Variants in KAZN observed in about 807,000 individuals in gnomAD.
The protein encoded by KAZN is kazrin, periplakin interacting protein, also known as kazrin.
Under a neutral mutation model 87.4 loss-of-function variants are expected in KAZN, and 40 were observed. The ratio of observed to expected loss-of-function variants is 0.46; its 90% CI spans 0.36 to 0.60. The LOEUF is 0.60. Among genes scored for constraint, KAZN ranks in the 20% least tolerant of loss-of-function variants. The pLI is 0.00. For synonymous variants in KAZN, 466 were observed against 458.3 expected, an observed-to-expected ratio of 1.02 and a Z score of -0.22; for missense variants, 898 against 1,073.9, an observed-to-expected ratio of 0.84 and a Z score of 2.29.
chr1:14,236,730 C>A (rs1248068904), intron 2 of KAZN, among the ~76,000 whole-genome samples: 5 of 152,016 alleles, frequency 3.3e-5, no homozygotes, highest in Non-Finnish European at 2.9e-5. Context: ...CCAGCCTGGG[C>A]AACATGGAAA....
intron 1 of KAZN, among the ~76,000 whole-genome samples, chr1:14,903,535 C>G (rs1557604740): frequency 6.6e-6 from 1 of 152,220 alleles, no homozygotes; most frequent in Non-Finnish European, 1.5e-5. Flanking sequence ...TGGACCCCTC[C>G]TCCTTAGTAC....
rs2100389622 is a variant in KAZN at position 14,735,069 on chromosome 1, T to C, written c.226+135846T>C. Among the ~76,000 whole-genome samples the C allele has an allele frequency of 6.6e-6, 1 of 151,990 alleles. No homozygotes were observed. The highest frequency in any genetic ancestry group is 6.5e-5 in the Admixed American group (1 of 15,296). On this transcript the variant is annotated intron_variant, in intron 1 of 14. Coordinates refer to ENST00000376030, the MANE Select transcript of KAZN (RefSeq NM_201628.3). This position sits in a 1 kb window ranked among gnomAD's most constrained non-coding sequence, Gnocchi z 4.3. ...TAAATGGTCATGCTGGTTTTTTTTG[T>C]TTTGTTTTGAGACGGAGTCTCGCTC...
chr1:14,460,355 C>G (rs939723022), intron 2 of KAZN, among the ~76,000 whole-genome samples: 66 of 152,324 alleles, frequency 4.3e-4, no homozygotes, highest in African/African-American at 1.5e-3. Flanking sequence ...GTGTGCTAAG[C>G]CCAGCTGGCA....
In KAZN at chr1:14,820,895, G is replaced by A. The variant is rs1282389630; in HGVS notation, c.227-139789G>A. On this transcript the variant is annotated intron_variant, in intron 1 of 14. Coordinates refer to ENST00000376030, the MANE Select transcript of KAZN (RefSeq NM_201628.3). This position sits in a 1 kb window ranked among gnomAD's most constrained non-coding sequence, Gnocchi z 4.1. ...GAGCCGAGGGGCAGGGTGAGCAAAA[G>A]GTGAATAAGGGCTCAGACGACATGA... 3.9e-5 allele frequency among the ~76,000 whole-genome samples: 6 copies of A among 152,248 alleles called. No homozygotes were observed. In the South Asian group the frequency reaches 1.2e-3, roughly 32 times the overall value.
At chr1:14,733,380 C>A (rs1356953970) in intron 1 of KAZN, among the ~76,000 whole-genome samples, 1 of 152,180 alleles carries the variant, frequency 6.6e-6, no homozygotes, top group African/African-American at 2.4e-5. Context: ...CAGAGAAGTT[C>A]TTTCCCGTTG....
chr1:14,334,364 CAAAAAAAAAAAAAAAAAA>C (rs34525897), intron 2 of KAZN, among the ~76,000 whole-genome samples: 1 of 61,380 alleles, frequency 1.6e-5, no homozygotes, highest in Non-Finnish European at 2.6e-5. Context: ...GATTCCATCT[CAAAAAAAAAAAAAAAAAA>C]AAAAAAAAGG....
chr1:14,158,914 G>T (rs1645651700), intron 1 of KAZN, among the ~76,000 whole-genome samples: 1 of 152,152 alleles, frequency 6.6e-6, no homozygotes, highest in Non-Finnish European at 1.5e-5. Context: ...TGCATTACCA[G>T]AGAGACATTC....
chr1:13,915,100 C>G (rs1639794571), intron 1 of KAZN, among the ~76,000 whole-genome samples: 1 of 152,158 alleles, frequency 6.6e-6, no homozygotes, highest in African/African-American at 2.4e-5. Flanking sequence ...TGTAAATGTA[C>G]ACACATGCAT....
intron 1 of KAZN, among the ~76,000 whole-genome samples, chr1:14,766,436 C>G (rs1215541988): frequency 1.3e-5 from 2 of 151,820 alleles, no homozygotes; most frequent in South Asian, 2.1e-4. Context: ...AAACAGAGCT[C>G]GGTGCCTGGA....
rs761512607 is a variant in KAZN, at chr1:15,088,710, C to T, written c.1223-5470C>T. 3.4e-5 allele frequency among the ~76,000 whole-genome samples: 5 copies of T among 145,082 alleles called. No individual in the cohort carries two copies. In the East Asian group the frequency reaches 5.8e-4, roughly 17 times the overall value. On this transcript the variant is annotated intron_variant, in intron 8 of 14. Transcript: ENST00000376030. ...TAATTAATGGTTTATGACCCCAAGG[C>T]CCCCCTAGACTCCTCCCAAGCCCTT...
chr1:14,899,544 C>T (rs2101240242), intron 1 of KAZN, among the ~76,000 whole-genome samples: 1 of 152,326 alleles, frequency 6.6e-6, no homozygotes, highest in African/African-American at 2.4e-5. Context: ...CTCTGTTAGA[C>T]ATTTTGTCTG....
intron 1 of KAZN, among the ~76,000 whole-genome samples, chr1:13,997,941 A>G (rs768281802): frequency 6.6e-6 from 1 of 152,152 alleles, no homozygotes; most frequent in Non-Finnish European, 1.5e-5. Flanking sequence ...GGTCGAAATG[A>G]AGGAAAAAAT....
At chr1:13,983,299 C>A (rs1379904002) in intron 1 of KAZN, among the ~76,000 whole-genome samples, 1 of 152,238 alleles carries the variant, frequency 6.6e-6, no homozygotes, top group African/African-American at 2.4e-5. Flanking sequence ...AGGTCCCGAG[C>A]CCTGCCCCAC....
At chr1:14,100,376 C>A (rs1450049121) in intron 1 of KAZN, among the ~76,000 whole-genome samples, 1 of 152,154 alleles carries the variant, frequency 6.6e-6, no homozygotes, top group African/African-American at 2.4e-5. Context: ...GCAGTGGTTT[C>A]CAGGTGGACT....
rs1462613535 is a variant in KAZN at position 14,081,259 on chromosome 1, T to C, written c.92-99176T>C. Among the ~76,000 whole-genome samples, 5 of 152,176 alleles carry C rather than the reference T, an allele frequency of 3.3e-5. No individual in the cohort carries two copies. In the East Asian group the frequency reaches 9.6e-4, roughly 29 times the overall value. On this transcript the variant is annotated intron_variant, in intron 1 of 16. Transcript: ENST00000636203. ...GGCCATGTCCAAGCACTCCTGGAGA[T>C]TAATCTTCCACTTGGGGCCCCGTTG... is the stretch of plus-strand genomic sequence containing the variant.
intron 2 of KAZN, among the ~76,000 whole-genome samples, chr1:14,300,259 A>T (rs1200941626): frequency 1.2e-5 from 1 of 80,646 alleles, no homozygotes; most frequent in Non-Finnish European, 3.2e-5. Context: ...GCTATGGAAG[A>T]ATTTATTTAT....
chr1:15,096,431 C>T lies in KAZN; in HGVS notation c.1547+1498C>T, dbSNP rs1640807363. ...CATGGGGGGAGGACGTCCCCACCGT[C>T]CTCTGCCTCCCAGGGGTGCGGCCTG... is the stretch of plus-strand genomic sequence containing the variant. On this transcript the variant is annotated intron_variant, in intron 10 of 14. Transcript: ENST00000376030. The surrounding 1 kb of genome is among the most constrained non-coding windows in gnomAD (Gnocchi z 4.5). 1.3e-5 allele frequency among the ~76,000 whole-genome samples: 2 copies of T among 152,234 alleles called. No homozygotes were observed. The highest frequency in any genetic ancestry group is 1.3e-4 in the Admixed American group (2 of 15,294).
chr1:14,090,954 A>G (rs1286246031), intron 1 of KAZN, among the ~76,000 whole-genome samples: 1 of 151,988 alleles, frequency 6.6e-6, no homozygotes, highest in African/African-American at 2.4e-5. Flanking sequence ...TCTACTAAAA[A>G]TACAAAAATT....
At chr1:15,013,223 T>C (rs918560643) in intron 2 of KAZN, among the ~76,000 whole-genome samples, 1 of 152,178 alleles carries the variant, frequency 6.6e-6, no homozygotes, top group Non-Finnish European at 1.5e-5. Flanking sequence ...CAAATATTTA[T>C]TGAGCACCTT....
Sources: allele counts gnomAD v4.1 joint callset (sites outside exome capture counted in the v4.1 genomes callset), GRCh38; gene constraint gnomAD v4.1.1; non-coding constraint Gnocchi (gnomAD v3.1); transcripts MANE v1.5; gene names NCBI Gene and HGNC (gene_info 2026-07-23, HGNC 2026-07-21).